Variants in IGFL2 observed in about 807,000 individuals in gnomAD.
The protein encoded by IGFL2 is IGF like family member 2, also known as insulin growth factor-like family member 2.
A neutral mutation model predicts 13.9 loss-of-function variants in IGFL2; 7 were observed. The observed-to-expected ratio is 0.51, with a 90% CI of 0.29 to 0.95. The LOEUF (loss-of-function observed/expected upper bound fraction) is 0.95, where lower values mean the gene tolerates loss of function less well. Ranked by LOEUF, IGFL2 falls within the 40% of genes least tolerant of loss-of-function variation. The pLI is 0.08. For synonymous variants in IGFL2, 55 were observed against 55.8 expected, an observed-to-expected ratio of 0.99 and a Z score of 0.07; for missense variants, 138 against 147.8, an observed-to-expected ratio of 0.93 and a Z score of 0.34.
At chr19:46,080,258 G>A in the IGFL2 span, among the ~76,000 whole-genome samples, 2 of 152,180 alleles carry the variant, frequency 1.3e-5, no homozygotes, top group East Asian at 3.8e-4. Context: ...TTTAAGCTGC[G>A]AGCCGTGGCT....
At chr19:46,151,658 C>G (rs535687831) in intron 1 of IGFL2, among the ~76,000 whole-genome samples, 1 of 152,132 alleles carries the variant, frequency 6.6e-6, no homozygotes, top group Non-Finnish European at 1.5e-5. Context: ...GCCTGTAATC[C>G]CAGCACTTTT....
At chr19:46,084,328 A>C in the IGFL2 span, among the ~76,000 whole-genome samples, 2 of 152,126 alleles carry the variant, frequency 1.3e-5, no homozygotes, top group Non-Finnish European at 2.9e-5. Flanking sequence ...TATAGTTTGA[A>C]TCTGATGTTT....
the IGFL2 span, among the ~76,000 whole-genome samples, chr19:46,115,167 T>G: frequency 6.6e-6 from 1 of 152,184 alleles, no homozygotes; most frequent in African/African-American, 2.4e-5. Flanking sequence ...AATACCTAAC[T>G]ATCCCCACTT....
At position 46,161,071 on chromosome 19, in the gene IGFL2, A is replaced by G. The variant is rs1350126282; in HGVS notation, c.343A>G (p.Arg115Gly). Reference sequence around the variant, plus strand: ...TTCTTGGTTTCTTTTTCTCTGTAGCAGAAGACGTTTTCCCTGAGAAGACAT... The same window carrying G: ...TTCTTGGTTTCTTTTTCTCTGTAGCGGAAGACGTTTTCCCTGAGAAGACAT... ...SSPISSKCES[R>G]RRFP Residue 115 changes from arginine to glycine, a missense_variant and splice_region_variant, in exon 4 of 4, where the codon AGA becomes GGA. Coordinates refer to ENST00000377693, the MANE Select transcript of IGFL2 (RefSeq NM_001135113.2). 2.5e-6 allele frequency: 4 copies of G among 1,590,322 alleles called. No homozygotes were observed. The highest frequency in any genetic ancestry group is 2.7e-5 in the African/African-American group (2 of 74,670).
chr19:46,148,243 G>A lies in IGFL2; in HGVS notation c.-36G>A, dbSNP rs1226353413. Reference sequence around the variant, plus strand: ...CCTGTATAAAGTCACTGACCCATTTGCACTGCTGCTGTCCCATCAGCTGCT... The same window carrying A: ...CCTGTATAAAGTCACTGACCCATTTACACTGCTGCTGTCCCATCAGCTGCT... On this transcript the variant is annotated 5_prime_UTR_variant, in exon 1 of 4. Coordinates refer to ENST00000377693, the MANE Select transcript of IGFL2 (RefSeq NM_001135113.2). 1 of 1,548,864 alleles carries A rather than the reference G, an allele frequency of 6.5e-7. No individual in the cohort carries two copies. The highest frequency in any genetic ancestry group is 8.7e-7 in the Non-Finnish European group (1 of 1,144,462).
chr19:46,206,932 C>T, the IGFL2 span: 1 of 152,160 alleles, frequency 6.6e-6, no homozygotes, highest in Non-Finnish European at 1.5e-5. Context: ...ATTTCTGCTC[C>T]ATCAGCTTCC....
At chr19:46,135,184 AG>A in the IGFL2 span, among the ~76,000 whole-genome samples, 1 of 152,356 alleles carries the variant, frequency 6.6e-6, no homozygotes, top group East Asian at 1.9e-4. Flanking sequence ...AATTATTGAA[AG>A]CAAGAAATGA....
the IGFL2 span, among the ~76,000 whole-genome samples, chr19:46,176,100 G>A: frequency 2.1e-3 from 273 of 131,618 alleles, 2 homozygotes; most frequent in African/African-American, 7.4e-3. Flanking sequence ...TGATCTGCCC[G>A]CCTCGGCCTC....
chr19:46,148,751 G>C (rs558419290), intron 1 of IGFL2: 2 of 899,376 alleles, frequency 2.2e-6, no homozygotes, highest in Non-Finnish European at 1.6e-6. Flanking sequence ...AAAGGAGGGA[G>C]GATTATAGCA....
At chr19:46,151,679 G>A (rs1973501093) in intron 1 of IGFL2, among the ~76,000 whole-genome samples, 1 of 152,190 alleles carries the variant, frequency 6.6e-6, no homozygotes, top group Non-Finnish European at 1.5e-5. Context: ...GGAGGCCAAG[G>A]AAGGTGGATG....
the IGFL2 span, among the ~76,000 whole-genome samples, chr19:46,088,952 G>T: frequency 6.6e-6 from 1 of 152,152 alleles, no homozygotes; most frequent in African/African-American, 2.4e-5. Flanking sequence ...AACATGACTG[G>T]GTTAAAGGCG....
the IGFL2 span, among the ~76,000 whole-genome samples, chr19:46,193,435 C>T: frequency 1.3e-5 from 2 of 152,198 alleles, no homozygotes; most frequent in Non-Finnish European, 2.9e-5. Flanking sequence ...AGAGGGCTTT[C>T]TTTATCGTAA....
chr19:46,093,198 T>C, the IGFL2 span, among the ~76,000 whole-genome samples: 2,047 of 152,290 alleles, frequency 0.013, 31 homozygotes, highest in Middle Eastern at 0.027. Context: ...GGACACTTGA[T>C]GAGGAAATTG....
chr19:46,152,019 T>C (rs10408264), intron 1 of IGFL2, among the ~76,000 whole-genome samples: 4,419 of 152,310 alleles, frequency 0.029, 208 homozygotes, highest in African/African-American at 0.099. Flanking sequence ...TGTATTTCCA[T>C]TTATTTACAT....
chr19:46,193,454 C>A, the IGFL2 span, among the ~76,000 whole-genome samples: 1 of 152,018 alleles, frequency 6.6e-6, no homozygotes, highest in Non-Finnish European at 1.5e-5. Flanking sequence ...AAAATAAAAC[C>A]TTTATTTTAC....
At chr19:46,131,190 G>T in the IGFL2 span, among the ~76,000 whole-genome samples, 1 of 152,046 alleles carries the variant, frequency 6.6e-6, no homozygotes, top group African/African-American at 2.4e-5. Context: ...AATGTACAAT[G>T]TTACTTTTCT....
At chr19:46,102,999 A>T in the IGFL2 span, among the ~76,000 whole-genome samples, 69 of 152,322 alleles carry the variant, frequency 4.5e-4, no homozygotes, top group Non-Finnish European at 8.7e-4. Context: ...GATGGCCTGG[A>T]TGCAGTTTTG....
At chr19:46,109,928 G>A in the IGFL2 span, among the ~76,000 whole-genome samples, 18 of 152,116 alleles carry the variant, frequency 1.2e-4, no homozygotes, top group African/African-American at 2.7e-4. Context: ...GTATACATGC[G>A]GGTCACAGGG....
chr19:46,085,090 A>G, the IGFL2 span, among the ~76,000 whole-genome samples: 1 of 152,208 alleles, frequency 6.6e-6, no homozygotes, highest in Non-Finnish European at 1.5e-5. Context: ...GGAGAAGTTG[A>G]CCAAAAGAAA....
Sources: gnomAD v4.1 joint callset for allele counts (sites outside exome capture counted in the v4.1 genomes callset) on GRCh38, gnomAD v4.1.1 for gene constraint, MANE v1.5 for transcripts, NCBI Gene and HGNC (gene_info 2026-07-23, HGNC 2026-07-21) for gene names.